The following UNC13C variants were observed in gnomAD, a reference collection of about 807,000 sequenced individuals.
UNC13C encodes the protein protein unc-13 homolog C.
UNC13C carries 174 observed loss-of-function variants against 245.4 expected under a neutral mutation model. That is an observed-to-expected ratio of 0.71 (90% CI 0.63 to 0.80). The LOEUF is 0.80. UNC13C is among the 30% of genes least tolerant of loss of function. The pLI is 0.00. For synonymous variants in UNC13C, 992 were observed against 895.1 expected, an observed-to-expected ratio of 1.11 and a Z score of -1.93; for missense variants, 2,829 against 2,602.9, an observed-to-expected ratio of 1.09 and a Z score of -1.89.
upstream of UNC13C, among the ~76,000 whole-genome samples, chr15:53,977,791 G>C (rs1315972986): frequency 6.6e-6 from 1 of 152,148 alleles, no homozygotes; most frequent in Non-Finnish European, 1.5e-5. Context: ...TCAATTCCCA[G>C]CCAGATCTTT....
the UNC13C span, among the ~76,000 whole-genome samples, chr15:53,933,517 C>A: frequency 2.0e-5 from 3 of 152,118 alleles, no homozygotes; most frequent in Non-Finnish European, 2.9e-5. Context: ...GGTGGATACA[C>A]CCCACTGTGG....
intron 4 of UNC13C, among the ~76,000 whole-genome samples, chr15:54,182,973 A>T (rs898432509): frequency 6.6e-6 from 1 of 152,090 alleles, no homozygotes; most frequent in African/African-American, 2.4e-5. Context: ...AGGAAGCTAA[A>T]GTACTAATTT....
At chr15:54,068,080 A>AT (rs2141092028) in intron 2 of UNC13C, among the ~76,000 whole-genome samples, 1 of 152,300 alleles carries the variant, frequency 6.6e-6, no homozygotes, top group East Asian at 1.9e-4. Flanking sequence ...CATTACCTAC[A>AT]TTGGTGACTG....
chr15:54,214,794 T>G (rs904095783), intron 4 of UNC13C, among the ~76,000 whole-genome samples: 12 of 151,950 alleles, frequency 7.9e-5, no homozygotes, highest in East Asian at 1.9e-4. Context: ...TTCCTGAGAT[T>G]ACTACAAAAA....
chr15:54,000,759 TG>T (rs1180538152), intron 1 of UNC13C, among the ~76,000 whole-genome samples: 6 of 152,166 alleles, frequency 3.9e-5, no homozygotes, highest in Non-Finnish European at 7.4e-5. Context: ...GAATACTTTG[TG>T]AACAGATTTT....
rs144409907 is a variant in UNC13C, at chr15:54,175,046, A to G, written c.3071+31362A>G. Reference sequence around the variant, plus strand: ...TGCTATCCCAGTGGTAGTGAGAAGCAGAATAACCTGCGCCTTTATCTTTCT... The same window carrying G: ...TGCTATCCCAGTGGTAGTGAGAAGCGGAATAACCTGCGCCTTTATCTTTCT... On this transcript the variant is annotated intron_variant, in intron 4 of 32. Coordinates refer to ENST00000260323, the MANE Select transcript of UNC13C (RefSeq NM_001080534.3). Among the ~76,000 whole-genome samples the G allele has an allele frequency of 4.3e-3, 661 of 152,294 alleles. 4 individuals carry two copies. Among genetic ancestry groups the G allele is most frequent in the African/African-American group, 0.014 (599 of 41,554 alleles).
At chr15:54,396,629 T>G (rs1056982419) in intron 18 of UNC13C, among the ~76,000 whole-genome samples, 6 of 151,610 alleles carry the variant, frequency 4.0e-5, no homozygotes, top group African/African-American at 1.2e-4. Context: ...GTGGTAAGTA[T>G]GTACTTAATA....
the UNC13C span, among the ~76,000 whole-genome samples, chr15:53,900,309 T>C: frequency 6.6e-6 from 1 of 152,206 alleles, no homozygotes; most frequent in South Asian, 2.1e-4. Flanking sequence ...ATACGAGTTA[T>C]AAAAATTGGA....
intron 17 of UNC13C, among the ~76,000 whole-genome samples, chr15:54,369,340 G>T (rs993885966): frequency 6.6e-6 from 1 of 152,044 alleles, no homozygotes; most frequent in Non-Finnish European, 1.5e-5. Flanking sequence ...TGCCTTTGCC[G>T]AAGCCCTTTT....
chr15:54,456,590 T>TTTTATTTATTTA (rs71105811), intron 19 of UNC13C, among the ~76,000 whole-genome samples: 52 of 142,792 alleles, frequency 3.6e-4, no homozygotes, highest in East Asian at 6.2e-4. Flanking sequence ...CTCCTATGTA[T>TTTTATTTATTTA]TTTATTTATT....
chr15:53,973,774 C>T (rs1893613318), upstream of UNC13C, among the ~76,000 whole-genome samples: 1 of 151,964 alleles, frequency 6.6e-6, no homozygotes, highest in Non-Finnish European at 1.5e-5. Context: ...GTATAGATGC[C>T]GTCCCACCAA....
intron 4 of UNC13C, among the ~76,000 whole-genome samples, chr15:54,196,858 C>G (rs971146104): frequency 6.6e-6 from 1 of 152,050 alleles, no homozygotes. Flanking sequence ...CCTAAAGGAA[C>G]AGTCATGCTT....
At chr15:53,917,609 A>T in the UNC13C span, among the ~76,000 whole-genome samples, 1 of 152,122 alleles carries the variant, frequency 6.6e-6, no homozygotes, top group African/African-American at 2.4e-5. Flanking sequence ...GGTAATTCAG[A>T]CCTTGGACAA....
At chr15:54,022,753 C>A (rs1015218446) in intron 2 of UNC13C, among the ~76,000 whole-genome samples, 1 of 152,078 alleles carries the variant, frequency 6.6e-6, no homozygotes, top group Non-Finnish European at 1.5e-5. Context: ...CTTTTTACTT[C>A]GATGTAATTC....
intron 20 of UNC13C, among the ~76,000 whole-genome samples, chr15:54,498,388 G>C (rs1361896194): frequency 6.6e-6 from 1 of 151,896 alleles, no homozygotes; most frequent in Admixed American, 6.6e-5. Flanking sequence ...AAGATAATTA[G>C]ATAATTAAAT....
chr15:54,424,825 C>T (rs542388074), intron 19 of UNC13C, among the ~76,000 whole-genome samples: 12 of 151,916 alleles, frequency 7.9e-5, no homozygotes, highest in African/African-American at 2.7e-4. Flanking sequence ...GATCATGGAG[C>T]ACATCTTGGA....
intron 17 of UNC13C, among the ~76,000 whole-genome samples, chr15:54,383,579 T>C (rs2140903291): frequency 6.6e-6 from 1 of 152,254 alleles, no homozygotes; most frequent in African/African-American, 2.4e-5. Context: ...GGGGGAGATT[T>C]GAAAGCATTT....
chr15:54,010,347 T>C (rs1895327584), intron 1 of UNC13C, among the ~76,000 whole-genome samples: 1 of 152,176 alleles, frequency 6.6e-6, no homozygotes, highest in South Asian at 2.1e-4. Flanking sequence ...TATGGTATTT[T>C]GAGAGTACAA....
chr15:54,060,552 C>T (rs1423280294), intron 2 of UNC13C, among the ~76,000 whole-genome samples: 4 of 152,188 alleles, frequency 2.6e-5, no homozygotes, highest in African/African-American at 4.8e-5. Flanking sequence ...TTGTGGAAGT[C>T]GGTGTGGTGA....
Sources: allele counts gnomAD v4.1 joint callset (sites outside exome capture counted in the v4.1 genomes callset), GRCh38; gene constraint gnomAD v4.1.1; transcripts MANE v1.5; gene names NCBI Gene and HGNC (gene_info 2026-07-23, HGNC 2026-07-21).